The following FAM131C variants were observed in gnomAD, a reference collection of about 807,000 sequenced individuals.
The protein encoded by FAM131C is family with sequence similarity 131 member C.
Under a neutral mutation model 29.8 loss-of-function variants are expected in FAM131C, and 14 were observed. The ratio of observed to expected loss-of-function variants is 0.47; its 90% CI spans 0.31 to 0.73. The LOEUF (loss-of-function observed/expected upper bound fraction) is 0.73. Ranked by LOEUF, FAM131C falls within the 30% of genes least tolerant of loss-of-function variation. The pLI, the probability that FAM131C is intolerant of heterozygous loss-of-function variation, is 0.05. For missense variants in FAM131C, 252 were observed against 383.8 expected (o/e 0.66, Z 2.87); for synonymous variants, 86 against 157.8 (o/e 0.54, Z 3.41).
In FAM131C at chr1:16,060,961, C is replaced by T. The variant is rs201448939; in HGVS notation, c.269-910G>A. Among the ~76,000 whole-genome samples, 14 of 151,934 alleles carry T rather than the reference C, an allele frequency of 9.2e-5. No individual in the cohort carries two copies. In the East Asian group the frequency reaches 2.7e-3, roughly 29 times the overall value. On this transcript the variant is annotated intron_variant, in intron 4 of 6. Coordinates refer to ENST00000375662, the MANE Select transcript of FAM131C (RefSeq NM_182623.3). ...GGCTGGGCAGACAGAGAGGAGGGGT[C>T]GGGGGCTTTGGGAGTAGAGCTGTTG...
intron 3 of FAM131C, 112 bp downstream of exon 3, chr1:16,062,387 C>CCT: frequency 1.7e-6 from 2 of 1,208,714 alleles, no homozygotes; most frequent in Non-Finnish European, 2.3e-6. Flanking sequence ...CAGGCCCCCC[C>CCT]CCCCCCCGCC....
At chr1:16,059,183 T>C (rs2023547650) in intron 6 of FAM131C, among the ~76,000 whole-genome samples, 1 of 149,542 alleles carries the variant, frequency 6.7e-6, no homozygotes, top group Non-Finnish European at 1.5e-5. Context: ...TGTTTCCTTA[T>C]TTGTAAAATG....
chr1:16,065,065 C>T (rs916452423), intron 1 of FAM131C, among the ~76,000 whole-genome samples: 7 of 152,186 alleles, frequency 4.6e-5, no homozygotes, highest in East Asian at 1.9e-4. Context: ...TTCCTGTTTC[C>T]GCTGCCCGCT....
intron 1 of FAM131C, among the ~76,000 whole-genome samples, chr1:16,069,221 G>A (rs543213794): frequency 3.9e-5 from 6 of 152,232 alleles, no homozygotes; most frequent in African/African-American, 1.2e-4. Flanking sequence ...CAGGGTCCTC[G>A]GGGCATCCTT....
chr1:16,063,884 C>T (rs920802263), intron 1 of FAM131C, among the ~76,000 whole-genome samples: 2 of 152,078 alleles, frequency 1.3e-5, no homozygotes, highest in African/African-American at 4.8e-5. Context: ...CACCCACACT[C>T]CAGCATGATT....
rs149808470 is a variant in FAM131C at position 16,065,694 on chromosome 1, C to T, written c.23-2058G>A. Among the ~76,000 whole-genome samples the T allele has an allele frequency of 2.1e-4, 32 of 152,306 alleles. 1 individual carries two copies. The East Asian group carries it at 6.2e-3, about 29-fold the overall frequency. ...GGATCCGAAAATTCCCCTTCACTTA[C>T]CCTCCGGAGTACCCTGCAGGACCAG... On this transcript the variant is annotated intron_variant, in intron 1 of 6. Coordinates refer to ENST00000375662, the MANE Select transcript of FAM131C (RefSeq NM_182623.3).
At chr1:16,068,473 A>G (rs975663349) in intron 1 of FAM131C, among the ~76,000 whole-genome samples, 2 of 152,224 alleles carry the variant, frequency 1.3e-5, no homozygotes, top group African/African-American at 4.8e-5. Flanking sequence ...TCCTGTCCCC[A>G]GGGCTGGAGC....
At chr1:16,059,792 G>C in intron 5 of FAM131C, 77 bp downstream of exon 5, 1 of 1,363,434 alleles carries the variant, frequency 7.3e-7, no homozygotes, top group South Asian at 1.3e-5. Context: ...CCCAGACAAT[G>C]CCCATGCAGT....
rs752869693 is a variant in FAM131C, at chr1:16,059,881, G to C, written c.439C>G (p.Arg147Gly). Residue 147 changes from arginine (R) to glycine (G), a missense_variant, in exon 5 of 7, where the codon CGC becomes GGC. By Grantham distance (125) the Arg-to-Gly change is moderately radical. Transcript: ENST00000375662. ...CCTCCTCGCTGACCTGCAGCAAAGC[G>C]GGCCTCACGCAGCTCATCCGGGAGG... ...CCLPDELREARFAAGVAEQFA... is the reference protein window; with the variant it reads ...CCLPDELREAGFAAGVAEQFA... 1.6e-6 allele frequency: 2 copies of C among 1,236,082 alleles called. No individual in the cohort carries two copies. Among genetic ancestry groups the C allele is most frequent in the Non-Finnish European group, 2.1e-6 (2 of 967,536 alleles). 76.6% of individuals were successfully genotyped at this position (1,236,082 alleles called of 1,614,324 possible). A position where few individuals can be genotyped will look rare whatever the true frequency, so the allele number is the denominator to read the frequency against.
At chr1:16,067,818 G>T (rs1244683721) in intron 1 of FAM131C, among the ~76,000 whole-genome samples, 1 of 152,040 alleles carries the variant, frequency 6.6e-6, no homozygotes, top group Admixed American at 6.6e-5. Flanking sequence ...AACCCCTCAG[G>T]CTCCTCTCGT....
Position 16,059,594 on chromosome 1 carries a change from C to G in FAM131C, c.462G>C (p.Glu154Asp). The G allele has an allele frequency of 6.3e-7, 1 of 1,597,546 alleles. No homozygotes were observed. The highest frequency in any genetic ancestry group is 8.5e-7 in the Non-Finnish European group (1 of 1,169,948). The change falls in exon 6 of 7, where the codon GAG becomes GAC. Residue 154 changes from glutamate (E) to aspartate (D), a missense_variant. Transcript: ENST00000375662. ...REARFAAGVA[E>D]QFAITEATLS... ...GTGTGGCCTCTGTGATGGCAAACTG[C>G]TCGGCGACCCCTGGGGGAACAGCGA...
intron 1 of FAM131C, among the ~76,000 whole-genome samples, chr1:16,068,270 G>A (rs568957329): frequency 4.1e-4 from 63 of 152,356 alleles, no homozygotes; most frequent in African/African-American, 1.4e-3. Context: ...TCCGCTGCAG[G>A]GGGTGGGCAT....
At chr1:16,062,608 C>A in intron 2 of FAM131C, 74 bp from the exon 3 acceptor site, 2 of 1,450,640 alleles carry the variant, frequency 1.4e-6, no homozygotes, top group Non-Finnish European at 1.9e-6. Flanking sequence ...GTCCTGGGGC[C>A]CTGGGTGGGG....
At chr1:16,070,327 GAA>G (rs2023735861) in intron 1 of FAM131C, among the ~76,000 whole-genome samples, 1 of 152,224 alleles carries the variant, frequency 6.6e-6, no homozygotes, top group Non-Finnish European at 1.5e-5. Context: ...ATAGCTCCTG[GAA>G]ACAGCATTTG....
intron 1 of FAM131C, among the ~76,000 whole-genome samples, chr1:16,070,867 C>A (rs1372602927): frequency 6.6e-6 from 1 of 152,204 alleles, no homozygotes; most frequent in Non-Finnish European, 1.5e-5. Context: ...AATGGTGGAG[C>A]CCTGCTTCGT....
intron 1 of FAM131C, among the ~76,000 whole-genome samples, chr1:16,068,480 G>C (rs2023710376): frequency 6.6e-6 from 1 of 152,240 alleles, no homozygotes; most frequent in African/African-American, 2.4e-5. Context: ...CCCAGGGCTG[G>C]AGCTGGCTCT....
At chr1:16,065,906 C>CA (rs1553129649) in intron 1 of FAM131C, among the ~76,000 whole-genome samples, 1 of 148,710 alleles carries the variant, frequency 6.7e-6, no homozygotes, top group Non-Finnish European at 1.5e-5. Flanking sequence ...GTTTTCTTTT[C>CA]TTTTTTTTTT....
In FAM131C at chr1:16,063,482, G is replaced by A. The variant is rs376688215; in HGVS notation, c.138+39C>T. ...GCGGGGAGGAGACAGGCCGGGAACC[G>A]GGGCGCAGGTAGCACAGGGATGAGG... On this transcript the variant is annotated intron_variant, in intron 2 of 6. Transcript: ENST00000375662. 1.1e-4 allele frequency: 164 copies of A among 1,496,538 alleles called. No individual in the cohort carries two copies. The East Asian group carries it at 2.7e-3, about 25-fold the overall frequency. 92.7% of individuals were successfully genotyped at this position (1,496,538 alleles called of 1,614,324 possible).
At chr1:16,063,286 A>G (rs2023630149) in intron 2 of FAM131C, among the ~76,000 whole-genome samples, 1 of 149,124 alleles carries the variant, frequency 6.7e-6, no homozygotes, top group Admixed American at 6.7e-5. Flanking sequence ...TAATTTGCGC[A>G]GGAAGACCTT....
Sources: allele counts gnomAD v4.1 joint callset (sites outside exome capture counted in the v4.1 genomes callset), GRCh38; gene constraint gnomAD v4.1.1; transcripts MANE v1.5; gene names NCBI Gene and HGNC (gene_info 2026-07-23, HGNC 2026-07-21).